ZNF728: variants seen among roughly 807,000 people sequenced by gnomAD.
ZNF728 encodes zinc finger protein 728.
A neutral mutation model predicts 12.5 loss-of-function variants in ZNF728; 12 were observed. That is an observed-to-expected ratio of 0.96 (90% confidence interval 0.61 to 1.55). ZNF728 has a LOEUF of 1.55. Among genes scored for constraint, ZNF728 ranks in the 40% most tolerant of loss-of-function variants. The pLI, the probability that ZNF728 is intolerant of heterozygous loss-of-function variation, is 0.00. For missense variants in ZNF728, 692 were observed against 719.2 expected, an observed-to-expected ratio of 0.96 and a Z score of 0.43; for synonymous variants, 205 against 240.7, an observed-to-expected ratio of 0.85 and a Z score of 1.37.
rs529145239 is a variant in ZNF728, at chr19:22,976,451, C to T, written c.886G>A (p.Ala296Thr). The change falls in exon 4 of 4, where the codon GCC becomes ACC. Residue 296 changes from alanine (A) to threonine (T), a missense_variant. Ala to Thr is a moderately conservative substitution (Grantham distance 58). Coordinates refer to ENST00000594710, the MANE Select transcript of ZNF728 (RefSeq NM_001267716.2). Reference sequence around the variant, plus strand: ...GTCTTATGTGCAGTAAGGGTTGAGGCCTTACTAAAGGCTTTGCCACATTCT... The same window carrying T: ...GTCTTATGTGCAGTAAGGGTTGAGGTCTTACTAAAGGCTTTGCCACATTCT... Reference protein sequence around the residue: ...CEECGKAFSKASTLTAHKTIH... With the variant: ...CEECGKAFSKTSTLTAHKTIH... 31 of 1,596,460 alleles carry T rather than the reference C, an allele frequency of 1.9e-5. No homozygotes were observed. In the South Asian group the frequency reaches 2.2e-4, roughly 11 times the overall value.
intron 3 of ZNF728, 36 bp downstream of exon 3, chr19:22,987,272 C>A: frequency 6.3e-7 from 1 of 1,579,704 alleles, no homozygotes; most frequent in South Asian, 1.2e-5. Flanking sequence ...GACTTTGGAC[C>A]TCTCATCCAT....
intron 1 of ZNF728, among the ~76,000 whole-genome samples, chr19:22,991,702 C>T (rs1356495383): frequency 6.6e-6 from 1 of 152,150 alleles, no homozygotes; most frequent in Admixed American, 6.5e-5. Flanking sequence ...TGACTCAAAA[C>T]TCTGATTTCC....
chr19:22,991,666 C>T (rs1415766916), intron 1 of ZNF728, among the ~76,000 whole-genome samples: 1 of 152,166 alleles, frequency 6.6e-6, no homozygotes, highest in South Asian at 2.1e-4. Context: ...TGTTGAGCAC[C>T]AGCTCTAAAA....
At position 22,975,832 on chromosome 19, in the gene ZNF728, T is replaced by C; in HGVS notation, c.1505A>G (p.His502Arg). The change falls in exon 4 of 4, where the codon CAT (histidine) becomes CGT (arginine). Residue 502 changes from histidine (H) to arginine (R), a missense_variant. Transcript: ENST00000594710. ...ACATTTGTAGGGTTTCTCTCCAGTA[T>C]GAATTCTCTTATGTTCCATAAGGTT... ...SSNLMEHKRIHTGEKPYKCEE... is the reference protein window; with the variant it reads ...SSNLMEHKRIRTGEKPYKCEE... The C allele has an allele frequency of 6.2e-7, 1 of 1,612,484 alleles. No individual in the cohort carries two copies. The highest frequency in any genetic ancestry group is 1.7e-4 in the Middle Eastern group (1 of 6,058).
chr19:22,980,421 C>CT (rs1480373504), intron 3 of ZNF728, among the ~76,000 whole-genome samples: 12 of 152,100 alleles, frequency 7.9e-5, no homozygotes, highest in Non-Finnish European at 1.3e-4. Flanking sequence ...GATTCCCACA[C>CT]TATAATAGTG....
intron 3 of ZNF728, among the ~76,000 whole-genome samples, chr19:22,984,111 T>C (rs11670032): frequency 0.12 from 18,164 of 152,088 alleles, 1,114 homozygotes; most frequent in Non-Finnish European, 0.15. Context: ...CATCGGGATA[T>C]ACACCCTTCT....
Position 22,986,180 on chromosome 19 carries a change from G to C in ZNF728, c.226+1128C>G, listed in dbSNP as rs543817120. Among the ~76,000 whole-genome samples, 82 of 152,082 alleles carry C rather than the reference G, an allele frequency of 5.4e-4. 1 individual carries two copies. The highest frequency in any genetic ancestry group is 3.0e-3 in the Admixed American group (46 of 15,252). On this transcript the variant is annotated intron_variant, in intron 3 of 3. Coordinates refer to ENST00000594710, the MANE Select transcript of ZNF728 (RefSeq NM_001267716.2). ...AAACCAGTTTATAAAAACTTTAAGAGGTGTTTGCGCCTTCAAATTGAGACA... is the reference window on the plus strand; with the variant it reads ...AAACCAGTTTATAAAAACTTTAAGACGTGTTTGCGCCTTCAAATTGAGACA...
chr19:22,981,031 G>A lies in ZNF728; in HGVS notation c.227-3921C>T, dbSNP rs1262817805. Among the ~76,000 whole-genome samples the A allele has an allele frequency of 2.0e-5, 3 of 148,946 alleles. No homozygotes were observed. In the Admixed American group the frequency reaches 2.0e-4, roughly 10 times the overall value. On this transcript the variant is annotated intron_variant, in intron 3 of 3. Transcript: ENST00000594710. ...ATAACAAATAACTAAGAACAGAGCA[G>A]AACAGAAGGAGAGACAGACACAAAA...
At chr19:22,999,634 C>G (rs1205678284) in intron 1 of ZNF728, among the ~76,000 whole-genome samples, 1 of 152,136 alleles carries the variant, frequency 6.6e-6, no homozygotes, top group Non-Finnish European at 1.5e-5. Flanking sequence ...AAAAATCCAG[C>G]AAAATGATTC....
intron 3 of ZNF728, among the ~76,000 whole-genome samples, chr19:22,980,185 C>CAAAAAAAAAAAGAAAAA (rs1968846301): frequency 1.2e-5 from 1 of 86,584 alleles, no homozygotes. Flanking sequence ...AAATGGAAAG[C>CAAAAAAAAAAAGAAAAA]AAAAAAAAAA....
intron 3 of ZNF728, among the ~76,000 whole-genome samples, chr19:22,986,545 G>T (rs1048456088): frequency 1.3e-5 from 2 of 152,010 alleles, no homozygotes; most frequent in Non-Finnish European, 2.9e-5. Context: ...AAATTTAACC[G>T]AGGAGCTGAA....
chr19:22,995,030 C>A (rs914599125), intron 1 of ZNF728: 57 of 153,526 alleles, frequency 3.7e-4, no homozygotes, highest in African/African-American at 1.4e-3. Context: ...TAGAATTGCA[C>A]CTTCACAATA....
intron 3 of ZNF728, among the ~76,000 whole-genome samples, chr19:22,985,318 T>C (rs1245878760): frequency 6.6e-6 from 1 of 152,140 alleles, no homozygotes; most frequent in Non-Finnish European, 1.5e-5. Flanking sequence ...CTGTCAGTCA[T>C]CCATGACAAA....
chr19:22,993,947 A>G (rs1325733432), intron 1 of ZNF728, among the ~76,000 whole-genome samples: 1 of 152,152 alleles, frequency 6.6e-6, no homozygotes, highest in Non-Finnish European at 1.5e-5. Flanking sequence ...TTGGAGCTGC[A>G]AATTCAGGTC....
chr19:22,982,194 T>C (rs1159064005), intron 3 of ZNF728, among the ~76,000 whole-genome samples: 2 of 152,174 alleles, frequency 1.3e-5, no homozygotes, highest in East Asian at 3.9e-4. Flanking sequence ...ACAAAATCAA[T>C]GTGCAAAAAT....
intron 1 of ZNF728, among the ~76,000 whole-genome samples, chr19:22,991,374 T>C (rs889509319): frequency 1.3e-5 from 2 of 152,214 alleles, no homozygotes; most frequent in Non-Finnish European, 2.9e-5. Context: ...TTTATTTCTA[T>C]TTCTGTTTAT....
At chr19:23,000,233 C>A (rs1969093418) in intron 1 of ZNF728, among the ~76,000 whole-genome samples, 1 of 151,872 alleles carries the variant, frequency 6.6e-6, no homozygotes. Context: ...AAAAAATTAG[C>A]TGGGTGTGGT....
chr19:22,992,052 C>T (rs1055211532), intron 1 of ZNF728, among the ~76,000 whole-genome samples: 10 of 152,012 alleles, frequency 6.6e-5, no homozygotes, highest in African/African-American at 1.7e-4. Flanking sequence ...ATAACAATGA[C>T]GACTCTTCTA....
chr19:22,988,356 C>T lies in ZNF728; in HGVS notation c.99G>A (p.Met33Ile), dbSNP rs757186241. The T allele has an allele frequency of 1.1e-4, 174 of 1,614,160 alleles. 2 individuals carry two copies. In the Middle Eastern group the frequency reaches 8.7e-3, roughly 81 times the overall value. Residue 33 changes from methionine to isoleucine, a missense_variant, in exon 2 of 4, where the codon ATG becomes ATA. By Grantham distance (10) the Met-to-Ile change is conservative. Transcript: ENST00000594710. ...TAQQNLYRNV[M>I]LENYRNLVFL... ...AGACCAGGTTTCTGTAGTTCTCTAA[C>T]ATCACATTCCTATATAAATTCTGCT...
Sources: gnomAD v4.1 joint callset for allele counts (sites outside exome capture counted in the v4.1 genomes callset) on GRCh38, gnomAD v4.1.1 for gene constraint, MANE v1.5 for transcripts, NCBI Gene and HGNC (gene_info 2026-07-23, HGNC 2026-07-21) for gene names.